MAP9: variants seen among roughly 807,000 people sequenced by gnomAD.
MAP9 encodes the protein microtubule associated protein 9.
Under a neutral mutation model 75.2 loss-of-function variants are expected in MAP9, and 80 were observed. The ratio of observed to expected loss-of-function variants is 1.06; its 90% CI spans 0.89 to 1.28. The LOEUF is 1.28. Among genes scored for constraint, MAP9 ranks in the 50% most tolerant of loss-of-function variants. MAP9 has a pLI of 0.00. For missense variants in MAP9, 753 were observed against 719.9 expected, an observed-to-expected ratio of 1.05 and a Z score of -0.53; for synonymous variants, 235 against 237.3, an observed-to-expected ratio of 0.99 and a Z score of 0.09.
At position 155,343,734 on chromosome 4, in the gene MAP9, T is replaced by C. The variant is rs925574438; in HGVS notation, c.*4049A>G. On this transcript the variant is annotated 3_prime_UTR_variant, in exon 14 of 14. Transcript: ENST00000311277. ...TGCTATCAAAAAGCAGACATTAATA[T>C]CTTCTTAATAATTTTTAAAACATCC... The C allele has an allele frequency of 7.2e-5, 11 of 151,976 alleles. No individual in the cohort carries two copies. The highest frequency in any genetic ancestry group is 2.6e-4 in the African/African-American group (11 of 41,550). The allele number at this position is 151,976 out of a possible 1,614,324, so 9.4% of individuals were successfully genotyped here.
At chr4:155,368,158 CAAAT>C (rs1349895831) in intron 5 of MAP9, 1 of 219,290 alleles carries the variant, frequency 4.6e-6, no homozygotes, top group Non-Finnish European at 8.9e-6. Context: ...TGAATAAAAT[CAAAT>C]AAATAAAATG....
At position 155,368,789 on chromosome 4, in the gene MAP9, C is replaced by CTGTG. The variant is rs757408426; in HGVS notation, c.501_504dup (p.Asp169HisfsTer3). 17 of 1,612,240 alleles carry CTGTG rather than the reference C, an allele frequency of 1.1e-5. No individual in the cohort carries two copies. Among genetic ancestry groups the CTGTG allele is most frequent in the Non-Finnish European group, 1.4e-5 (17 of 1,179,240 alleles). ...CGAGGTGATGGTTTAAAGTGATCAT[C>CTGTG]TGTGTCAAGGCTGTTGTTTTCTGCT... is the stretch of plus-strand genomic sequence containing the variant. On this transcript the variant is annotated frameshift_variant, in exon 5 of 14. Coordinates refer to ENST00000311277, the MANE Select transcript of MAP9 (RefSeq NM_001039580.2). LOFTEE classifies it high-confidence loss of function.
rs200445044 is a variant in MAP9 at position 155,368,645 on chromosome 4, G to A, written c.649C>T (p.Pro217Ser). Residue 217 changes from proline (P) to serine (S), a missense_variant, in exon 5 of 14, where the codon CCG (proline) becomes TCG (serine). Physicochemically the swap from Pro to Ser is moderately conservative, Grantham distance 74. Coordinates refer to ENST00000311277, the MANE Select transcript of MAP9 (RefSeq NM_001039580.2). ...TCAGCTTCTAATTGTATGCCATTCGGCGTTGGAAGGGAAGAAGGTGCAGAA... is the reference window on the plus strand; with the variant it reads ...TCAGCTTCTAATTGTATGCCATTCGACGTTGGAAGGGAAGAAGGTGCAGAA... ...LHSAPSSLPT[P>S]NGIQLEAEKK... 2.5e-6 allele frequency: 4 copies of A among 1,614,034 alleles called. No individual in the cohort carries two copies. The Admixed American group carries it at 6.7e-5, about 27-fold the overall frequency.
intron 10 of MAP9, among the ~76,000 whole-genome samples, chr4:155,353,907 GTTA>G (rs1247351233): frequency 3.9e-5 from 6 of 152,120 alleles, no homozygotes; most frequent in Non-Finnish European, 5.9e-5. Flanking sequence ...AGCAAGTTAT[GTTA>G]TTATTTTACT....
In MAP9 at chr4:155,373,249, T is replaced by A. The variant is rs779823486; in HGVS notation, c.368A>T (p.Asp123Val). Residue 123 changes from aspartate to valine, a missense_variant, in exon 4 of 14, where the codon GAC becomes GTC. By Grantham distance (152) the Asp-to-Val change is radical. Coordinates refer to ENST00000311277, the MANE Select transcript of MAP9 (RefSeq NM_001039580.2). ...TTCAGAGAAAGATTTTACAACAATG[T>A]CTTCACACCCATCAGGTGCCATTTC... ...EEEMAPDGCE[D>V]IVVKSFSESQ... The A allele has an allele frequency of 1.2e-6, 2 of 1,612,846 alleles. No homozygotes were observed. The highest frequency in any genetic ancestry group is 4.5e-5 in the East Asian group (2 of 44,798).
Position 155,348,286 on chromosome 4 carries a change from G to A in MAP9, c.1822-381C>T, listed in dbSNP as rs145962131. Among the ~76,000 whole-genome samples, 1,152 of 152,042 alleles carry A rather than the reference G, an allele frequency of 7.6e-3. 15 individuals carry two copies. The highest frequency in any genetic ancestry group is 0.024 in the African/African-American group (1,011 of 41,474). On this transcript the variant is annotated intron_variant, in intron 13 of 13. Coordinates refer to ENST00000311277, the MANE Select transcript of MAP9 (RefSeq NM_001039580.2). ...TGGGAGGTGGAGGTTGCAGTGAGCC[G>A]AGATTGCACCACTGCACTCCAGCCT...
At position 155,360,336 on chromosome 4, in the gene MAP9, A is replaced by G; in HGVS notation, c.882T>C (p.His294=). 4 of 1,612,986 alleles carry G rather than the reference A, an allele frequency of 2.5e-6. No homozygotes were observed. The highest frequency in any genetic ancestry group is 2.5e-6 in the Non-Finnish European group (3 of 1,179,274). ...ENKENSFSAD[H]VTTAVEKSKE... is the part of the protein sequence containing the mutation. ...TGGATTTCTCAACTGCAGTAGTCAC[A>G]TGGTCTGCTGAAAATGAATTCTCTT... The change falls in exon 7 of 14, where the codon CAT becomes CAC. Residue 294 remains histidine (H), a synonymous_variant. Coordinates refer to ENST00000311277, the MANE Select transcript of MAP9 (RefSeq NM_001039580.2).
intron 4 of MAP9, among the ~76,000 whole-genome samples, chr4:155,371,900 T>C (rs1732615042): frequency 6.6e-6 from 1 of 152,218 alleles, no homozygotes; most frequent in African/African-American, 2.4e-5. Flanking sequence ...TCACTCACTA[T>C]ACTTAGAAGG....
intron 13 of MAP9, chr4:155,350,339 C>T (rs1444436570): frequency 2.6e-6 from 1 of 385,252 alleles, no homozygotes; most frequent in African/African-American, 2.2e-5. Flanking sequence ...AGACATTTTA[C>T]TAGATATCAA....
intron 13 of MAP9, chr4:155,349,233 G>GA (rs1731401153): frequency 6.8e-3 from 1 of 146 alleles, no homozygotes; most frequent in South Asian, 0.25. Context: ...GCTGTGGGAG[G>GA]AAACAAAAAT....
rs1578834867 is a variant in MAP9, at chr4:155,353,189, T to C, written c.1532A>G (p.Glu511Gly). The C allele has an allele frequency of 2.5e-6, 4 of 1,593,890 alleles. No individual in the cohort carries two copies. Among genetic ancestry groups the C allele is most frequent in the Admixed American group, 1.8e-5 (1 of 56,174 alleles). The change falls in exon 11 of 14, where the codon GAA becomes GGA. Residue 511 changes from glutamate (E) to glycine (G), a missense_variant. Physicochemically the swap from Glu to Gly is moderately conservative, Grantham distance 98 (BLOSUM62 -2). Coordinates refer to ENST00000311277, the MANE Select transcript of MAP9 (RefSeq NM_001039580.2). ...TEEENAARKG[E>G]ALQAFEKWKE... is the part of the protein sequence containing the mutation. ...CAAAGTTCTGAATACTTGTAGTGCT[T>C]CTCCTTTTCTTGCAGCATTTTCTTC... is the stretch of plus-strand genomic sequence containing the variant.
intron 8 of MAP9, among the ~76,000 whole-genome samples, chr4:155,356,845 A>G (rs1250118068): frequency 6.6e-6 from 1 of 152,222 alleles, no homozygotes; most frequent in Non-Finnish European, 1.5e-5. Context: ...TATTTGATTA[A>G]TGATAATTTG....
intron 5 of MAP9, among the ~76,000 whole-genome samples, chr4:155,364,097 G>C (rs1335203219): frequency 6.6e-6 from 1 of 151,960 alleles, no homozygotes; most frequent in East Asian, 1.9e-4. Flanking sequence ...TAAAATTCCT[G>C]ACAGCATTCA....
intron 1 of MAP9, 63 bp from the exon 2 acceptor site, chr4:155,375,977 C>T (rs1732822542): frequency 3.3e-6 from 2 of 610,932 alleles, no homozygotes; most frequent in Non-Finnish European, 5.7e-6. Context: ...ACATTTGATT[C>T]TACTCTCCCC....
chr4:155,371,209 T>C (rs1218890067), intron 4 of MAP9, among the ~76,000 whole-genome samples: 2 of 152,084 alleles, frequency 1.3e-5, no homozygotes, highest in African/African-American at 2.4e-5. Context: ...CTTCAAGCTC[T>C]AATAGTTTCA....
rs1283672723 is a variant in MAP9, at chr4:155,345,924, T to G, written c.*1859A>C. The G allele has an allele frequency of 6.6e-6, 1 of 152,132 alleles. No homozygotes were observed. The highest frequency in any genetic ancestry group is 1.5e-5 in the Non-Finnish European group (1 of 68,004). 9.4% of individuals were successfully genotyped at this position (152,132 alleles called of 1,614,324 possible). On this transcript the variant is annotated 3_prime_UTR_variant, in exon 14 of 14. Coordinates refer to ENST00000311277, the MANE Select transcript of MAP9 (RefSeq NM_001039580.2). The stretch of plus-strand genomic sequence containing the variant: ...TTTTAATCTATTTTGGCAGGCACTG[T>G]TTTTGGTACTATGGGGGACACAGGA...
chr4:155,351,823 G>C (rs971247752), intron 13 of MAP9, among the ~76,000 whole-genome samples: 7 of 151,874 alleles, frequency 4.6e-5, no homozygotes, highest in Admixed American at 6.6e-5. Flanking sequence ...TAGGAAACCT[G>C]ACTGGATAGA....
intron 13 of MAP9, among the ~76,000 whole-genome samples, chr4:155,351,596 C>T (rs1731514546): frequency 6.6e-6 from 1 of 151,052 alleles, no homozygotes. Flanking sequence ...TTCCCCAGTA[C>T]AAAACAAAAG....
At chr4:155,356,361 A>C (rs1731788126) in intron 8 of MAP9, among the ~76,000 whole-genome samples, 1 of 152,194 alleles carries the variant, frequency 6.6e-6, no homozygotes, top group African/African-American at 2.4e-5. Context: ...TACAAAGAAT[A>C]TTAAATTATG....
Sources: allele counts gnomAD v4.1 joint callset (sites outside exome capture counted in the v4.1 genomes callset), GRCh38; gene constraint gnomAD v4.1.1; transcripts MANE v1.5; gene names NCBI Gene and HGNC (gene_info 2026-07-23, HGNC 2026-07-21).